RIPOR2: variants seen among roughly 807,000 people sequenced by gnomAD.
The protein encoded by RIPOR2 is rho family-interacting cell polarization regulator 2.
A neutral mutation model predicts 114.5 loss-of-function variants in RIPOR2; 39 were observed. The ratio of observed to expected loss-of-function variants is 0.34; its 90% confidence interval spans 0.26 to 0.44. The LOEUF is 0.44. Ranked by LOEUF, RIPOR2 falls within the 20% of genes least tolerant of loss-of-function variation. The pLI is 1.00. For missense variants in RIPOR2, 1,007 were observed against 1,255.1 expected (o/e 0.80, Z 2.99); for synonymous variants, 445 against 484.4 (o/e 0.92, Z 1.07).
chr6:24,809,411 C>T (rs1780988910), intron 21 of RIPOR2, among the ~76,000 whole-genome samples: 1 of 152,206 alleles, frequency 6.6e-6, no homozygotes, highest in Non-Finnish European at 1.5e-5. Flanking sequence ...ATTCCTATTG[C>T]CTTTGCTTTA....
intron 7 of RIPOR2, among the ~76,000 whole-genome samples, chr6:24,861,582 G>T (rs1483111393): frequency 5.9e-5 from 9 of 152,180 alleles, no homozygotes; most frequent in African/African-American, 2.2e-4. Context: ...TATTCCATAG[G>T]TTACTATTAA....
intron 1 of RIPOR2, among the ~76,000 whole-genome samples, chr6:25,014,775 T>C (rs1055016289): frequency 1.3e-5 from 2 of 152,204 alleles, no homozygotes; most frequent in Non-Finnish European, 2.9e-5. Context: ...GAAAGTTGTG[T>C]GTAACATGGC....
intron 1 of RIPOR2, among the ~76,000 whole-genome samples, chr6:24,930,243 T>A (rs994521196): frequency 1.6e-4 from 24 of 152,242 alleles, no homozygotes; most frequent in Admixed American, 2.6e-4. Flanking sequence ...TTTTCTTTGT[T>A]TAAATTATCA....
At chr6:25,019,585 C>A (rs1034219908) in intron 1 of RIPOR2, among the ~76,000 whole-genome samples, 3 of 142,522 alleles carry the variant, frequency 2.1e-5, no homozygotes, top group Non-Finnish European at 3.0e-5. Context: ...CTGGCTAACA[C>A]GGTAAAAAAA....
rs751084983 is a variant in RIPOR2, at chr6:24,873,625, A to G, written c.344+19T>C. On this transcript the variant is annotated intron_variant, in intron 3 of 21. Transcript: ENST00000643898. ...CTTGGGTCTTTCCTTAAAGTACATT[A>G]TCAGGTTCAAGTTCTTACTCAAGTC... is the stretch of plus-strand genomic sequence containing the variant. The G allele has an allele frequency of 1.9e-6, 3 of 1,607,510 alleles. No homozygotes were observed. The highest frequency in any genetic ancestry group is 3.4e-5 in the Admixed American group (2 of 58,344).
chr6:24,918,944 T>A (rs1185616413), intron 1 of RIPOR2, among the ~76,000 whole-genome samples: 2 of 152,220 alleles, frequency 1.3e-5, no homozygotes, highest in Non-Finnish European at 2.9e-5. Flanking sequence ...CTTTCCTTCC[T>A]AAGTCACTCT....
At chr6:24,910,079 C>T (rs1769398256) in intron 1 of RIPOR2, among the ~76,000 whole-genome samples, 1 of 152,172 alleles carries the variant, frequency 6.6e-6, no homozygotes, top group Non-Finnish European at 1.5e-5. Context: ...AGAAGGTTAT[C>T]GTCTCGGGCA....
intron 13 of RIPOR2, chr6:24,840,138 A>G: frequency 1.3e-6 from 1 of 776,696 alleles, no homozygotes; most frequent in Non-Finnish European, 1.6e-6. Context: ...TATTGCAGAG[A>G]CAGGGTCTCC....
intron 14 of RIPOR2, among the ~76,000 whole-genome samples, chr6:24,838,016 G>A (rs1761269082): frequency 6.6e-6 from 1 of 152,200 alleles, no homozygotes; most frequent in African/African-American, 2.4e-5. Flanking sequence ...ATTGATGGAG[G>A]TGGGTATGTT....
upstream of RIPOR2, among the ~76,000 whole-genome samples, chr6:24,939,608 G>A (rs537155902): frequency 4.1e-4 from 62 of 152,268 alleles, no homozygotes; most frequent in African/African-American, 1.4e-3. Context: ...GATCCCCTTC[G>A]AATCCATATT....
intron 1 of RIPOR2, among the ~76,000 whole-genome samples, chr6:25,005,738 T>TATATATATATATACATACATAC (rs34572978): frequency 1.4e-5 from 1 of 70,700 alleles, no homozygotes; most frequent in Admixed American, 1.6e-4. Flanking sequence ...TATATATATA[T>TATATATATATATACATACATAC]ATACATTTAC....
chr6:25,017,136 T>A (rs1217762774), intron 1 of RIPOR2, among the ~76,000 whole-genome samples: 1 of 152,058 alleles, frequency 6.6e-6, no homozygotes, highest in East Asian at 1.9e-4. Context: ...GGTCAGGAGT[T>A]CAAGACCAGC....
intron 21 of RIPOR2, among the ~76,000 whole-genome samples, chr6:24,808,211 T>C (rs1338421680): frequency 1.3e-5 from 2 of 152,208 alleles, no homozygotes; most frequent in Non-Finnish European, 2.9e-5. Flanking sequence ...TGATGGCTTC[T>C]GGAGATGCTG....
At chr6:24,900,550 G>T (rs1334483932) in intron 1 of RIPOR2, among the ~76,000 whole-genome samples, 1 of 152,064 alleles carries the variant, frequency 6.6e-6, no homozygotes, top group Non-Finnish European at 1.5e-5. Flanking sequence ...TTGAGCCCAG[G>T]AGTTCGAGAC....
intron 19 of RIPOR2, among the ~76,000 whole-genome samples, chr6:24,820,248 A>G (rs9393588): frequency 0.3 from 45,868 of 151,188 alleles, 7,836 homozygotes; most frequent in East Asian, 0.69. Flanking sequence ...GGCCAGGCTG[A>G]TCTCAAACTC....
At chr6:24,876,254 C>T (rs1412925003) in intron 1 of RIPOR2, among the ~76,000 whole-genome samples, 1 of 151,822 alleles carries the variant, frequency 6.6e-6, no homozygotes, top group Admixed American at 6.6e-5. Context: ...CGCCCCACTA[C>T]ACTCCAGCCT....
rs1762490106 is a variant in RIPOR2 at position 24,848,035 on chromosome 6, T to C, written c.1154A>G (p.His385Arg). 1 of 1,613,528 alleles carries C rather than the reference T, an allele frequency of 6.2e-7. No individual in the cohort carries two copies. The highest frequency in any genetic ancestry group is 1.7e-5 in the Admixed American group (1 of 59,956). Residue 385 changes from histidine (H) to arginine (R), a missense_variant, in exon 12 of 22, where the codon CAC (histidine) becomes CGC (arginine). By Grantham distance (29) the His-to-Arg change is conservative. Transcript: ENST00000643898. Reference protein sequence around the residue: ...GTPETPTFKDHSFFSNLPDDI... With the variant: ...GTPETPTFKDRSFFSNLPDDI... ...TTACACTGAACTTACAAAGAAGGAG[T>C]GGTCTTTGAAGGTGGGCGTTTCCGG...
At chr6:24,882,147 G>A (rs986731315) in intron 1 of RIPOR2, among the ~76,000 whole-genome samples, 2 of 152,172 alleles carry the variant, frequency 1.3e-5, no homozygotes, top group African/African-American at 4.8e-5. Flanking sequence ...AAGTGACGGG[G>A]AAATGTTTGG....
intron 14 of RIPOR2, 118 bp from the exon 15 acceptor site, chr6:24,835,989 T>A: frequency 2.2e-6 from 2 of 913,530 alleles, no homozygotes; most frequent in Non-Finnish European, 3.3e-6. Flanking sequence ...TTCACTTGCC[T>A]ATCTTGAAAA....
Sources: allele counts gnomAD v4.1 joint callset (sites outside exome capture counted in the v4.1 genomes callset), GRCh38; gene constraint gnomAD v4.1.1; transcripts MANE v1.5; gene names NCBI Gene and HGNC (gene_info 2026-07-23, HGNC 2026-07-21).